Variants in ADAM18 observed in about 807,000 individuals in gnomAD.
ADAM18 encodes the protein ADAM metallopeptidase domain 18.
ADAM18 carries 117 observed loss-of-function variants against 94.4 expected under a neutral mutation model. The observed-to-expected ratio is 1.24, with a 90% CI of 1.07 to 1.45. The LOEUF is 1.45. Ranked by LOEUF, ADAM18 falls within the 40% of genes most tolerant of loss-of-function variation. The pLI is 0.00. For missense variants in ADAM18, 936 were observed against 880.0 expected, an observed-to-expected ratio of 1.06 and a Z score of -0.81; for synonymous variants, 327 against 291.6, an observed-to-expected ratio of 1.12 and a Z score of -1.24.
At position 39,723,930 on chromosome 8, in the gene ADAM18, G is replaced by A. The variant is rs775542089; in HGVS notation, c.2177+23G>A. 11 of 1,355,902 alleles carry A rather than the reference G, an allele frequency of 8.1e-6. No individual in the cohort carries two copies. In the African/African-American group the frequency reaches 1.2e-4, roughly 15 times the overall value. The allele number at this position is 1,355,902 out of a possible 1,614,324, so 84.0% of individuals were successfully genotyped here. A position where few individuals can be genotyped will look rare whatever the true frequency, so the allele number is the denominator to read the frequency against. On this transcript the variant is annotated intron_variant, in intron 19 of 19. Transcript: ENST00000265707. ...TCGGTAAATATGATATAGAATCAAT[G>A]TATTAGGTTTAATTATCCTAGTCAT...
At position 39,723,785 on chromosome 8, in the gene ADAM18, G is replaced by A. The variant is rs1195296558; in HGVS notation, c.2055G>A (p.Trp685Ter). ...FYTEKGYNTHWNNWFILSFCI... is the reference protein window; with the variant it reads ...FYTEKGYNTH Reference sequence around the variant, plus strand: ...CTGAAAAAGGCTACAATACACACTGGAACAACTGGTTTATTCTGAGTTTCT... The same window carrying A: ...CTGAAAAAGGCTACAATACACACTGAAACAACTGGTTTATTCTGAGTTTCT... The change falls in exon 19 of 20, where the codon TGG (tryptophan) becomes TGA (stop). Residue 685 changes from tryptophan to a stop codon, truncating the protein, a stop_gained. Coordinates refer to ENST00000265707, the MANE Select transcript of ADAM18 (RefSeq NM_014237.3). LOFTEE classifies it high-confidence loss of function. The A allele has an allele frequency of 1.1e-5, 18 of 1,579,392 alleles. No homozygotes were observed. The highest frequency in any genetic ancestry group is 1.5e-5 in the Non-Finnish European group (17 of 1,163,794).
At chr8:39,586,654 C>T (rs1023603862) in intron 2 of ADAM18, among the ~76,000 whole-genome samples, 3 of 152,006 alleles carry the variant, frequency 2.0e-5, no homozygotes, top group Non-Finnish European at 4.4e-5. Context: ...TTGAGCCCAG[C>T]GGTTGGAGGC....
chr8:39,654,525 G>C lies in ADAM18; in HGVS notation c.1230+5998G>C, dbSNP rs192866861. ...AGACATGAGAGTGCAGGTATCTTTT[G>C]AGTATACTAATTTCCTCTCTTTTGG... On this transcript the variant is annotated intron_variant, in intron 12 of 19. Coordinates refer to ENST00000265707, the MANE Select transcript of ADAM18 (RefSeq NM_014237.3). Among the ~76,000 whole-genome samples, 900 of 152,142 alleles carry C rather than the reference G, an allele frequency of 5.9e-3. 17 individuals are homozygous for C. Among genetic ancestry groups the C allele is most frequent in the African/African-American group, 0.021 (854 of 41,470 alleles).
chr8:39,724,297 G>A (rs1348411771), intron 19 of ADAM18, among the ~76,000 whole-genome samples: 1 of 151,682 alleles, frequency 6.6e-6, no homozygotes, highest in African/African-American at 2.4e-5. Context: ...ATGTTTGGAA[G>A]CTTGTGAATT....
At chr8:39,703,235 T>A (rs1822138772) in intron 17 of ADAM18, among the ~76,000 whole-genome samples, 1 of 152,194 alleles carries the variant, frequency 6.6e-6, no homozygotes, top group Admixed American at 6.5e-5. Flanking sequence ...TTATTCTTTT[T>A]GTGGCAATTG....
At position 39,645,326 on chromosome 8, in the gene ADAM18, C is replaced by A. The variant is rs143674281; in HGVS notation, c.910-12C>A. The A allele has an allele frequency of 5.2e-4, 823 of 1,580,504 alleles. 6 individuals carry two copies. The African/African-American group carries it at 8.7e-3, about 17-fold the overall frequency. On this transcript the variant is annotated splice_polypyrimidine_tract_variant and intron_variant, in intron 10 of 19. Coordinates refer to ENST00000265707, the MANE Select transcript of ADAM18 (RefSeq NM_014237.3). ...CACATAATAATTTTCTTTTTCATGTCTTTTATTTTAGTATCCAGATGCAAT... is the reference window on the plus strand; with the variant it reads ...CACATAATAATTTTCTTTTTCATGTATTTTATTTTAGTATCCAGATGCAAT...
intron 17 of ADAM18, among the ~76,000 whole-genome samples, chr8:39,703,263 G>A (rs1036172634): frequency 1.3e-5 from 2 of 152,014 alleles, no homozygotes; most frequent in African/African-American, 4.8e-5. Context: ...GACTTCATTA[G>A]CGATTTGGCT....
intron 6 of ADAM18, chr8:39,611,000 T>C (rs534369350): frequency 8.7e-7 from 1 of 1,150,380 alleles, no homozygotes; most frequent in East Asian, 4.3e-5. Context: ...GTTATTCTAG[T>C]ACCTTGGTAA....
rs60787071 is a variant in ADAM18 at position 39,712,032 on chromosome 8, GC to G, written c.2017+5137del. ...AAATGGTCAACTAAAATCAGAGAAG[GC>G]CCCCCCCCGAGAAAAAAACAGTGAA... On this transcript the variant is annotated intron_variant, in intron 18 of 19. Transcript: ENST00000265707. Among the ~76,000 whole-genome samples the G allele has an allele frequency of 1.0e-3, 141 of 134,596 alleles. 1 individual carries two copies. Among genetic ancestry groups the G allele is most frequent in the African/African-American group, 2.5e-3 (89 of 35,378 alleles). The allele number at this position is 134,596 out of a possible 152,430, so 88.3% of individuals were successfully genotyped here. A position where few individuals can be genotyped will look rare whatever the true frequency, so the allele number is the denominator to read the frequency against.
At chr8:39,698,474 C>T (rs896831676) in intron 17 of ADAM18, among the ~76,000 whole-genome samples, 5 of 151,984 alleles carry the variant, frequency 3.3e-5, no homozygotes, top group Admixed American at 2.6e-4. Context: ...TGACACCCAG[C>T]TAGTGTCCAC....
At chr8:39,724,380 A>G (rs1275652673) in intron 19 of ADAM18, among the ~76,000 whole-genome samples, 2 of 151,792 alleles carry the variant, frequency 1.3e-5, no homozygotes, top group Non-Finnish European at 3.0e-5. Context: ...TCTTGTAATC[A>G]TTTTAATGTC....
At chr8:39,712,547 T>C (rs911089221) in intron 18 of ADAM18, among the ~76,000 whole-genome samples, 4 of 152,162 alleles carry the variant, frequency 2.6e-5, no homozygotes, top group Non-Finnish European at 5.9e-5. Flanking sequence ...GAAAACCCCA[T>C]TGTCTCAGCC....
At chr8:39,712,616 T>C (rs1822446525) in intron 18 of ADAM18, among the ~76,000 whole-genome samples, 1 of 152,174 alleles carries the variant, frequency 6.6e-6, no homozygotes, top group African/African-American at 2.4e-5. Context: ...AAAATCAATG[T>C]GCAAAAATCA....
chr8:39,710,382 A>G (rs1199334999), intron 18 of ADAM18, among the ~76,000 whole-genome samples: 1 of 152,260 alleles, frequency 6.6e-6, no homozygotes, highest in Non-Finnish European at 1.5e-5. Flanking sequence ...ATTCAGATAA[A>G]AAATGAGAAA....
intron 7 of ADAM18, among the ~76,000 whole-genome samples, chr8:39,630,823 T>A (rs1487528693): frequency 6.6e-6 from 1 of 151,982 alleles, no homozygotes; most frequent in Non-Finnish European, 1.5e-5. Flanking sequence ...AAAGTTATTA[T>A]AGTAATTTCG....
intron 14 of ADAM18, among the ~76,000 whole-genome samples, chr8:39,674,429 T>C (rs546273345): frequency 6.6e-6 from 1 of 152,288 alleles, no homozygotes; most frequent in African/African-American, 2.4e-5. Flanking sequence ...TTTTATCAGA[T>C]ACTAGGATTG....
In ADAM18 at chr8:39,648,446, G is replaced by T. The variant is rs1016116109; in HGVS notation, c.1149G>T (p.Leu383Phe). The T allele has an allele frequency of 1.2e-6, 2 of 1,612,666 alleles. No homozygotes were observed. Among genetic ancestry groups the T allele is most frequent in the Non-Finnish European group, 1.7e-6 (2 of 1,179,360 alleles). ...AATGCCTTCAGAAGCTTTCAAATTT[G>T]CAACCATTACATCAAAATCAACCAG... is the stretch of plus-strand genomic sequence containing the variant. The part of the protein sequence containing the change: ...ETKCLQKLSN[L>F]QPLHQNQPVC... Residue 383 changes from leucine (L) to phenylalanine (F), a missense_variant, in exon 12 of 20, where the codon TTG becomes TTT. Physicochemically the swap from Leu to Phe is conservative, Grantham distance 22. Coordinates refer to ENST00000265707, the MANE Select transcript of ADAM18 (RefSeq NM_014237.3).
chr8:39,698,032 C>T (rs1294111456), intron 17 of ADAM18, among the ~76,000 whole-genome samples: 1 of 151,722 alleles, frequency 6.6e-6, no homozygotes, highest in African/African-American at 2.4e-5. Flanking sequence ...TTTCTATATT[C>T]TCTATTTAAT....
chr8:39,702,941 G>T (rs538304487), intron 17 of ADAM18, among the ~76,000 whole-genome samples: 5 of 152,214 alleles, frequency 3.3e-5, no homozygotes, highest in Admixed American at 1.3e-4. Context: ...TGTTCTTTTT[G>T]CATAGGATTG....
Sources: gnomAD v4.1 joint callset for allele counts (sites outside exome capture counted in the v4.1 genomes callset) on GRCh38, gnomAD v4.1.1 for gene constraint, MANE v1.5 for transcripts, NCBI Gene and HGNC (gene_info 2026-07-23, HGNC 2026-07-21) for gene names.